The following BBX variants were observed in gnomAD, a reference collection of about 807,000 sequenced individuals.
BBX encodes the protein HMG box transcription factor BBX.
A neutral mutation model predicts 100.2 loss-of-function variants in BBX; 30 were observed. The observed-to-expected ratio is 0.30, with a 90% confidence interval of 0.22 to 0.41. The LOEUF is 0.41. Ranked by LOEUF, BBX falls within the 10% of genes least tolerant of loss-of-function variation. The pLI is 1.00. For missense variants in BBX, 1,023 were observed against 1,129.8 expected (o/e 0.91, Z 1.35); for synonymous variants, 376 against 388.1 (o/e 0.97, Z 0.37).
intron 2 of BBX, among the ~76,000 whole-genome samples, chr3:107,564,616 CG>C (rs1384044620): frequency 1.4e-4 from 21 of 152,126 alleles, no homozygotes; most frequent in Non-Finnish European, 2.9e-4. Flanking sequence ...GTTCCAGCCC[CG>C]TCTGTAGTCT....
At chr3:107,728,193 G>A (rs1300122295) in intron 5 of BBX, among the ~76,000 whole-genome samples, 1 of 152,156 alleles carries the variant, frequency 6.6e-6, no homozygotes, top group Non-Finnish European at 1.5e-5. Flanking sequence ...TGGCATGGTG[G>A]CAAGTGTGGT....
In BBX at chr3:107,810,654, G is replaced by T. The variant is rs759906240; in HGVS notation, c.*5197G>T. 3.9e-5 allele frequency: 6 copies of T among 152,342 alleles called. No homozygotes were observed. The highest frequency in any genetic ancestry group is 7.3e-5 in the Non-Finnish European group (5 of 68,044). 9.4% of individuals were successfully genotyped at this position (152,342 alleles called of 1,614,324 possible). On this transcript the variant is annotated 3_prime_UTR_variant, in exon 18 of 18. Transcript: ENST00000325805. ...CTCAGCTCTAAGAGCCGTGGAACGG[G>T]GGGTAGGGAAGGTTTGCGATCTGGA...
chr3:107,613,865 G>A (rs2055036867), intron 2 of BBX, among the ~76,000 whole-genome samples: 1 of 144,928 alleles, frequency 6.9e-6, no homozygotes, highest in African/African-American at 2.5e-5. Context: ...TATTATTACT[G>A]TTAAGAGACT....
At chr3:107,701,883 T>G (rs1205605456) in intron 3 of BBX, among the ~76,000 whole-genome samples, 1 of 152,136 alleles carries the variant, frequency 6.6e-6, no homozygotes, top group Non-Finnish European at 1.5e-5. Context: ...TTAATAGATA[T>G]AATCTCTTAG....
rs539523562 is a variant in BBX, at chr3:107,624,714, C to T, written c.-83-21122C>T. The stretch of plus-strand genomic sequence containing the variant: ...TGAAACACCGTCTCTACTAAAAATA[C>T]AAAAATAAGCTGGGCATGATGGTGG... On this transcript the variant is annotated intron_variant, in intron 2 of 17. Coordinates refer to ENST00000325805, the MANE Select transcript of BBX (RefSeq NM_001142568.3). 4.3e-4 allele frequency among the ~76,000 whole-genome samples: 65 copies of T among 151,998 alleles called. 1 individual carries two copies. The highest frequency in any genetic ancestry group is 2.4e-3 in the Admixed American group (37 of 15,264).
At chr3:107,655,511 ATTTTTTTTT>A (rs35368803) in intron 3 of BBX, among the ~76,000 whole-genome samples, 1 of 117,586 alleles carries the variant, frequency 8.5e-6, no homozygotes, top group South Asian at 2.9e-4. Context: ...ATGATAATTA[ATTTTTTTTT>A]TTTTTTTTTT....
chr3:107,625,218 A>G (rs1331507474), intron 2 of BBX, among the ~76,000 whole-genome samples: 2 of 151,864 alleles, frequency 1.3e-5, no homozygotes, highest in Non-Finnish European at 2.9e-5. Flanking sequence ...ATTCATTTTG[A>G]TTGTTTTATT....
intron 3 of BBX, chr3:107,659,825 G>T: frequency 9.4e-7 from 1 of 1,065,922 alleles, no homozygotes; most frequent in Non-Finnish European, 1.3e-6. Context: ...TAGAAATGCT[G>T]TTCTAGAAAT....
intron 2 of BBX, among the ~76,000 whole-genome samples, chr3:107,572,933 A>G (rs567103914): frequency 6.6e-6 from 1 of 152,318 alleles, no homozygotes; most frequent in South Asian, 2.1e-4. Flanking sequence ...AATTTTAAGT[A>G]AATTTCCAAC....
intron 2 of BBX, among the ~76,000 whole-genome samples, chr3:107,613,841 T>C (rs1181926736): frequency 6.6e-6 from 1 of 152,022 alleles, no homozygotes; most frequent in Non-Finnish European, 1.5e-5. Context: ...TCCTATTTTT[T>C]CCCTTGTTGT....
intron 12 of BBX, among the ~76,000 whole-genome samples, chr3:107,777,734 T>A (rs989055176): frequency 6.6e-6 from 1 of 152,200 alleles, no homozygotes; most frequent in Admixed American, 6.5e-5. Context: ...TTGCATTCAT[T>A]GAAAACTGGC....
intron 15 of BBX, among the ~76,000 whole-genome samples, chr3:107,793,081 T>G (rs2069222774): frequency 6.6e-6 from 1 of 152,134 alleles, no homozygotes; most frequent in African/African-American, 2.4e-5. Flanking sequence ...ATTTGTGTGT[T>G]TAGAGATTGG....
intron 3 of BBX, among the ~76,000 whole-genome samples, chr3:107,655,441 A>C (rs2058073273): frequency 6.6e-6 from 1 of 152,056 alleles, no homozygotes; most frequent in Non-Finnish European, 1.5e-5. Flanking sequence ...TTATTTGAAC[A>C]AAACAAGGAG....
At chr3:107,597,081 G>A (rs2053714822) in intron 2 of BBX, among the ~76,000 whole-genome samples, 1 of 152,060 alleles carries the variant, frequency 6.6e-6, no homozygotes, top group Non-Finnish European at 1.5e-5. Flanking sequence ...TGGTGTAATT[G>A]CCATTTTATT....
chr3:107,554,704 C>CA (rs1321154147), intron 2 of BBX, among the ~76,000 whole-genome samples: 2 of 152,104 alleles, frequency 1.3e-5, no homozygotes, highest in Non-Finnish European at 2.9e-5. Flanking sequence ...GCCTGGGCAA[C>CA]AGGGTGAGAC....
chr3:107,725,016 G>A (rs893385082), intron 5 of BBX, among the ~76,000 whole-genome samples: 4 of 152,060 alleles, frequency 2.6e-5, no homozygotes, highest in African/African-American at 7.2e-5. Flanking sequence ...CCATTTTCAC[G>A]ATATTGATTA....
intron 4 of BBX, among the ~76,000 whole-genome samples, chr3:107,712,304 ACTTTT>A (rs924436808): frequency 1.9e-4 from 29 of 152,190 alleles, no homozygotes; most frequent in Admixed American, 1.8e-3. Context: ...TCCATCCTGG[ACTTTT>A]CTTCTGAACT....
In BBX at chr3:107,739,016, G is replaced by A. The variant is rs568401920; in HGVS notation, c.670-5614G>A. On this transcript the variant is annotated intron_variant, in intron 7 of 17. Transcript: ENST00000325805. ...AGGCAAAAATCTGAGACACAGAAAG[G>A]TTGAATTTTACCAATATTTGTTGGA... Among the ~76,000 whole-genome samples the A allele has an allele frequency of 1.8e-4, 28 of 152,268 alleles. 1 individual carries two copies. Among genetic ancestry groups the A allele is most frequent in the South Asian group, 1.2e-3 (6 of 4,820 alleles).
rs1326456614 is a variant in BBX, at chr3:107,711,391, G to T, written c.162+769G>T. The T allele has an allele frequency of 6.6e-6, 3 of 453,878 alleles. No homozygotes were observed. The Admixed American group carries it at 7.9e-5, about 12-fold the overall frequency. The allele number at this position is 453,878 out of a possible 1,614,324, so 28.1% of individuals were successfully genotyped here. ...TAGGTATTAAATATAGATGTATGCT[G>T]AATGAAAGAATAAATGAGTACATAT... On this transcript the variant is annotated intron_variant, in intron 4 of 17. Coordinates refer to ENST00000325805, the MANE Select transcript of BBX (RefSeq NM_001142568.3).
Sources: allele counts gnomAD v4.1 joint callset (sites outside exome capture counted in the v4.1 genomes callset), GRCh38; gene constraint gnomAD v4.1.1; transcripts MANE v1.5; gene names NCBI Gene and HGNC (gene_info 2026-07-23, HGNC 2026-07-21).